The following CMC4 variants were observed in gnomAD, a reference collection of about 807,000 sequenced individuals.
CMC4 encodes cx9C motif-containing protein 4.
A neutral mutation model predicts 5.1 loss-of-function variants in CMC4; 4 were observed. The ratio of observed to expected loss-of-function variants is 0.78; its 90% CI spans 0.38 to 1.78. CMC4 has a LOEUF of 1.78. Ranked by LOEUF, CMC4 falls within the 40% of genes most tolerant of loss-of-function variation. The pLI is 0.04. For synonymous variants in CMC4, 23 were observed against 18.9 expected (o/e 1.22, Z -0.57); for missense variants, 52 against 51.3 (o/e 1.01, Z -0.04).
At chrX:155,069,199 GTTTGC>G (rs1325500886) in intron 1 of CMC4, among the ~76,000 whole-genome samples, 1 of 112,690 alleles carries the variant, frequency 8.9e-6, no homozygotes, top group Non-Finnish European at 1.9e-5. Flanking sequence ...AAAAAGTATA[GTTTGC>G]TTTAATTGCC....
intron 2 of CMC4, among the ~76,000 whole-genome samples, chrX:155,063,762 A>AGC (rs2073937447): frequency 8.9e-6 from 1 of 111,909 alleles, no homozygotes; most frequent in Non-Finnish European, 1.9e-5. Context: ...AGGTGATGCT[A>AGC]ATCACCTGGA....
At chrX:155,067,141 G>A (rs1402893226) in intron 1 of CMC4, among the ~76,000 whole-genome samples, 3 of 111,716 alleles carry the variant, frequency 2.7e-5, no homozygotes, top group Admixed American at 9.5e-5. Flanking sequence ...GAAATGCAGC[G>A]TGGGAGGGTG....
chrX:155,064,297 C>T (rs1365502083), intron 1 of CMC4: 3 of 207,554 alleles, frequency 1.4e-5, no homozygotes, highest in Non-Finnish European at 1.7e-5. Context: ...TGTAAACCAA[C>T]GTTAGGCTAG....
chrX:155,066,098 G>T, intron 1 of CMC4: 1 of 723,246 alleles, frequency 1.4e-6, no homozygotes, highest in Non-Finnish European at 2.1e-6. Context: ...GACTTTTTGG[G>T]TTTGAATGAA....
chrX:155,069,898 TAAG>T (rs1162575927), intron 1 of CMC4, among the ~76,000 whole-genome samples: 2 of 111,889 alleles, frequency 1.8e-5, no homozygotes, highest in Non-Finnish European at 3.8e-5. Context: ...GTCATAATAA[TAAG>T]AACAGCCGTT....
intron 2 of CMC4, among the ~76,000 whole-genome samples, chrX:155,063,661 A>G (rs1383566975): frequency 8.9e-6 from 1 of 112,028 alleles, no homozygotes; most frequent in African/African-American, 3.2e-5. Context: ...GCCTTTTAGT[A>G]AAAACAAACA....
chrX:155,067,294 A>G (rs1217406784), intron 1 of CMC4, among the ~76,000 whole-genome samples: 1 of 111,870 alleles, frequency 8.9e-6, no homozygotes, highest in Non-Finnish European at 1.9e-5. Context: ...AAACTCGTCT[A>G]AACTTTCTCT....
rs782616024 is a variant in CMC4, at chrX:155,061,905, C to T, written c.145G>A (p.Val49Ile). The change falls in exon 3 of 3, where the codon GTC (valine) becomes ATC (isoleucine). Residue 49 changes from valine to isoleucine, a missense_variant. Coordinates refer to ENST00000369484, the MANE Select transcript of CMC4 (RefSeq NM_001018024.3). ...CAQYPKGRSVVCSGFEKEEEE... is the reference protein window; with the variant it reads ...CAQYPKGRSVICSGFEKEEEE... ...TCTTCTTTTTCAAATCCTGAACAGACGACAGATCTTCCCTTGGGATACTGA... is the reference window on the plus strand; with the variant it reads ...TCTTCTTTTTCAAATCCTGAACAGATGACAGATCTTCCCTTGGGATACTGA... 2.1e-5 allele frequency: 25 copies of T among 1,209,965 alleles called. No individual in the cohort carries two copies. Among genetic ancestry groups the T allele is most frequent in the Admixed American group, 4.4e-5 (2 of 45,758 alleles).
rs183144276 is a variant in CMC4 at position 155,062,508 on chromosome X, A to T, written c.59-517T>A. On this transcript the variant is annotated intron_variant, in intron 2 of 2. Coordinates refer to ENST00000369484, the MANE Select transcript of CMC4 (RefSeq NM_001018024.3). ...CAACACATACACAATATATACAACA[A>T]AGGCCTTTGGCCTCCAAAGCCTAAA... Among the ~76,000 whole-genome samples, 298 of 112,083 alleles carry T rather than the reference A, an allele frequency of 2.7e-3. 1 individual carries two copies. Among genetic ancestry groups the T allele is most frequent in the Non-Finnish European group, 4.7e-3 (250 of 53,218 alleles).
chrX:155,071,095 G>A lies in CMC4; in HGVS notation c.-412C>T, dbSNP rs1338826183. On this transcript the variant is annotated 5_prime_UTR_variant, in exon 1 of 3. Transcript: ENST00000369484. ...CGGGCAAAATGGGCGCCGGTACTCG[G>A]GAGGCGCCTGCCCAGGCGCCCGGGC... is the stretch of plus-strand genomic sequence containing the variant. 5 of 111,026 alleles carry A rather than the reference G, an allele frequency of 4.5e-5. No individual in the cohort carries two copies. Among genetic ancestry groups the A allele is most frequent in the Non-Finnish European group, 7.6e-5 (4 of 52,493 alleles). The allele number at this position is 111,026 out of a possible 1,213,427, so 9.1% of individuals were successfully genotyped here.
chrX:155,063,878 AAG>A (rs782441296), intron 2 of CMC4, 86 bp downstream of exon 2: 516 of 686,192 alleles, frequency 7.5e-4, no homozygotes, highest in African/African-American at 7.2e-3. Flanking sequence ...ATTCTTAAAA[AAG>A]AGTTAATACA....
intron 1 of CMC4, among the ~76,000 whole-genome samples, chrX:155,070,356 A>C (rs2073968046): frequency 8.9e-6 from 1 of 112,266 alleles, no homozygotes; most frequent in Admixed American, 9.4e-5. Context: ...TTTGATTTAG[A>C]ATCGCTTTCA....
At chrX:155,067,006 C>T (rs1192055040) in intron 1 of CMC4, among the ~76,000 whole-genome samples, 1 of 112,182 alleles carries the variant, frequency 8.9e-6, no homozygotes, top group African/African-American at 3.2e-5. Context: ...AGTCAATCTT[C>T]TAGACCTTAC....
intron 2 of CMC4, 139 bp from the exon 3 acceptor site, chrX:155,062,130 A>T (rs1444598178): frequency 7.1e-6 from 4 of 563,897 alleles, no homozygotes; most frequent in Non-Finnish European, 1.0e-5. Flanking sequence ...AGTCCACTGA[A>T]TTCTTTCTAA....
At chrX:155,067,477 A>G in intron 1 of CMC4, among the ~76,000 whole-genome samples, 1 of 111,398 alleles carries the variant, frequency 9.0e-6, no homozygotes, top group Non-Finnish European at 1.9e-5. Flanking sequence ...CTTTCCCCAA[A>G]TACCAGGCTC....
At chrX:155,064,671 G>A (rs1475872391) in intron 1 of CMC4, 1 of 112,176 alleles carries the variant, frequency 8.9e-6, no homozygotes, top group Non-Finnish European at 1.9e-5. Context: ...CAGTTAAGCA[G>A]CTAAAATGGT....
chrX:155,065,433 G>A, intron 1 of CMC4: 1 of 1,093,289 alleles, frequency 9.1e-7, no homozygotes, highest in South Asian at 1.9e-5. Context: ...CACCACAACT[G>A]AATAGAGCCA....
At chrX:155,068,876 A>G (rs2073958726) in intron 1 of CMC4, among the ~76,000 whole-genome samples, 1 of 112,602 alleles carries the variant, frequency 8.9e-6, no homozygotes. Flanking sequence ...ACAAGGTGCA[A>G]TACAATACAT....
At chrX:155,069,010 G>T (rs2073959248) in intron 1 of CMC4, among the ~76,000 whole-genome samples, 1 of 112,268 alleles carries the variant, frequency 8.9e-6, no homozygotes, top group Non-Finnish European at 1.9e-5. Context: ...CCCCATGAGG[G>T]TCACCTTGAT....
Sources: allele counts gnomAD v4.1 joint callset (sites outside exome capture counted in the v4.1 genomes callset), GRCh38; gene constraint gnomAD v4.1.1; transcripts MANE v1.5; gene names NCBI Gene and HGNC (gene_info 2026-07-23, HGNC 2026-07-21).